Variants in JAK2 observed in about 807,000 individuals in gnomAD.
JAK2 encodes the protein tyrosine-protein kinase JAK2.
JAK2 carries 86 observed loss-of-function variants against 139.3 expected under a neutral mutation model. The observed-to-expected ratio is 0.62, with a 90% CI of 0.52 to 0.74. The LOEUF is 0.74. Among genes scored for constraint, JAK2 ranks in the 30% least tolerant of loss-of-function variants. JAK2 has a pLI of 0.00. For missense variants in JAK2, 1,421 were observed against 1,360.3 expected, an observed-to-expected ratio of 1.04 and a Z score of -0.70; for synonymous variants, 490 against 437.7, an observed-to-expected ratio of 1.12 and a Z score of -1.49.
intron 2 of JAK2, among the ~76,000 whole-genome samples, chr9:5,015,486 G>A (rs550569018): frequency 2.0e-5 from 3 of 152,178 alleles, no homozygotes; most frequent in Middle Eastern, 3.4e-3. Flanking sequence ...ACAAATCAAA[G>A]CAGTAATGCT....
chr9:5,016,189 G>T (rs1259037964), intron 2 of JAK2, among the ~76,000 whole-genome samples: 2 of 152,226 alleles, frequency 1.3e-5, no homozygotes, highest in African/African-American at 4.8e-5. Context: ...AGCTTAGGAA[G>T]ATGAGATGAC....
At chr9:5,009,167 G>C (rs913878239) in intron 2 of JAK2, among the ~76,000 whole-genome samples, 1 of 152,184 alleles carries the variant, frequency 6.6e-6, no homozygotes, top group Non-Finnish European at 1.5e-5. Flanking sequence ...AACTGGAATG[G>C]ATGAGCAAAT....
intron 14 of JAK2, among the ~76,000 whole-genome samples, chr9:5,075,099 GGCTGAGAGAGGTGAGGAA>G (rs2130566529): frequency 6.6e-6 from 1 of 152,116 alleles, no homozygotes; most frequent in African/African-American, 2.4e-5. Flanking sequence ...ATTCTATGAA[GGCTGAGAGAGGTGAGGAA>G]GCTGCAGAAG....
intron 23 of JAK2, among the ~76,000 whole-genome samples, chr9:5,124,593 T>C (rs903473589): frequency 2.6e-5 from 4 of 151,822 alleles, no homozygotes; most frequent in African/African-American, 7.2e-5. Flanking sequence ...AGAGCCCTAA[T>C]AGCAAAAGCG....
intron 22 of JAK2, among the ~76,000 whole-genome samples, chr9:5,120,493 C>T (rs970290158): frequency 6.6e-6 from 1 of 152,108 alleles, no homozygotes; most frequent in Non-Finnish European, 1.5e-5. Flanking sequence ...TTCGAAAAGG[C>T]TCTTTTGTTT....
rs565571391 is a variant in JAK2 at position 5,038,020 on chromosome 9, T to G, written c.351-6383T>G. Among the ~76,000 whole-genome samples the G allele has an allele frequency of 3.7e-4, 57 of 152,270 alleles. 1 individual carries two copies. The South Asian group carries it at 0.012, about 31-fold the overall frequency. Reference sequence around the variant, plus strand: ...CTAGTTATGAGAATAATGAACGAGATTGCTTGCTTTAGCACATAGTTACAA... The same window carrying G: ...CTAGTTATGAGAATAATGAACGAGAGTGCTTGCTTTAGCACATAGTTACAA... On this transcript the variant is annotated intron_variant, in intron 4 of 24. Transcript: ENST00000381652.
At position 5,054,810 on chromosome 9, in the gene JAK2, A is replaced by G. The variant is rs1163700840; in HGVS notation, c.862A>G (p.Ile288Val). The G allele has an allele frequency of 2.7e-5, 44 of 1,612,788 alleles. No homozygotes were observed. Among genetic ancestry groups the G allele is most frequent in the Non-Finnish European group, 3.7e-5 (44 of 1,179,314 alleles). The change falls in exon 7 of 25, where the codon ATT becomes GTT. Residue 288 changes from isoleucine (I) to valine (V), a missense_variant. Coordinates refer to ENST00000381652, the MANE Select transcript of JAK2 (RefSeq NM_004972.4). The surrounding 1 kb of genome is among the most constrained non-coding windows in gnomAD (Gnocchi z 4.9). Reference protein sequence around the residue: ...GPSGEEIFATIIITGNGGIQW... With the variant: ...GPSGEEIFATVIITGNGGIQW... ...TTCAGGTGAGGAGATTTTTGCAACC[A>G]TTATAATAACTGGAAACGGTGGAAT...
At chr9:4,987,361 C>G (rs186785845) in intron 2 of JAK2, among the ~76,000 whole-genome samples, 1 of 152,186 alleles carries the variant, frequency 6.6e-6, no homozygotes, top group East Asian at 1.9e-4. Flanking sequence ...AGGTGGGATG[C>G]TTTTGAGGCA....
At chr9:5,093,765 A>G (rs572982744) in intron 22 of JAK2, among the ~76,000 whole-genome samples, 1 of 152,278 alleles carries the variant, frequency 6.6e-6, no homozygotes, top group South Asian at 2.1e-4. Flanking sequence ...TATCATATCA[A>G]TAATAGGGTT....
chr9:5,095,768 C>G (rs1242351404), intron 22 of JAK2, among the ~76,000 whole-genome samples: 1 of 152,144 alleles, frequency 6.6e-6, no homozygotes, highest in Non-Finnish European at 1.5e-5. Context: ...TTAACCTACT[C>G]CTCAATTACT....
intron 6 of JAK2, among the ~76,000 whole-genome samples, chr9:5,052,409 T>C (rs1817477909): frequency 6.6e-6 from 1 of 152,132 alleles, no homozygotes; most frequent in Non-Finnish European, 1.5e-5. Context: ...CTGCATCATT[T>C]TTTTTTACTG....
At chr9:5,111,365 C>T (rs991311685) in intron 22 of JAK2, 1 of 409,968 alleles carries the variant, frequency 2.4e-6, no homozygotes, top group Non-Finnish European at 4.7e-6. Context: ...ACTACCCCTC[C>T]TACGCCAGCA....
chr9:5,068,586 G>T (rs571917679), intron 10 of JAK2, among the ~76,000 whole-genome samples: 1 of 152,336 alleles, frequency 6.6e-6, no homozygotes, highest in African/African-American at 2.4e-5. Context: ...GCATGAAGCA[G>T]CATGGCATTT....
intron 11 of JAK2, 130 bp from the exon 12 acceptor site, chr9:5,069,795 A>C (rs1309628727): frequency 4.4e-6 from 2 of 453,378 alleles, no homozygotes; most frequent in Non-Finnish European, 7.4e-6. Flanking sequence ...ATTTTCTATT[A>C]TAAAAAAAGA....
At chr9:5,093,494 TG>T (rs1820743006) in intron 22 of JAK2, among the ~76,000 whole-genome samples, 1 of 152,126 alleles carries the variant, frequency 6.6e-6, no homozygotes, top group African/African-American at 2.4e-5. Flanking sequence ...GACCTATTGG[TG>T]AAGAGGAGCT....
In JAK2 at chr9:5,034,797, A is replaced by G. The variant is rs553563804; in HGVS notation, c.350+4891A>G. Among the ~76,000 whole-genome samples the G allele has an allele frequency of 7.9e-5, 12 of 152,322 alleles. No individual in the cohort carries two copies. The South Asian group carries it at 1.9e-3, about 24-fold the overall frequency. ...CACAAGAGAAAGCAGGAAAGATCCA[A>G]TTGACACCCTAACATCACAATTAAA... On this transcript the variant is annotated intron_variant, in intron 4 of 24. Coordinates refer to ENST00000381652, the MANE Select transcript of JAK2 (RefSeq NM_004972.4).
intron 11 of JAK2, 113 bp downstream of exon 11, chr9:5,069,321 G>T: frequency 1.5e-6 from 1 of 667,496 alleles, no homozygotes. Context: ...AGCTCTAAAA[G>T]TTAATTTTAT....
chr9:5,035,761 G>A (rs12552828), intron 4 of JAK2, among the ~76,000 whole-genome samples: 73 of 151,994 alleles, frequency 4.8e-4, no homozygotes, highest in African/African-American at 1.7e-3. Context: ...ATGACATACC[G>A]ACAGCCAATA....
chr9:5,058,883 G>T (rs890420146), intron 8 of JAK2, among the ~76,000 whole-genome samples: 5 of 151,414 alleles, frequency 3.3e-5, no homozygotes, highest in African/African-American at 9.7e-5. Context: ...TTTTAATCAG[G>T]TTTTTTTTGC....
Sources: allele counts gnomAD v4.1 joint callset (sites outside exome capture counted in the v4.1 genomes callset), GRCh38; gene constraint gnomAD v4.1.1; non-coding constraint Gnocchi (gnomAD v3.1); transcripts MANE v1.5; gene names NCBI Gene and HGNC (gene_info 2026-07-23, HGNC 2026-07-21).